THSD7B: variants seen among roughly 807,000 people sequenced by gnomAD.
THSD7B encodes thrombospondin type 1 domain containing 7B.
A neutral mutation model predicts 213.6 loss-of-function variants in THSD7B; 138 were observed. That is an observed-to-expected ratio of 0.65 (90% CI 0.56 to 0.74). THSD7B has a LOEUF of 0.74. THSD7B is among the 30% of genes least tolerant of loss of function. The pLI is 0.00. For missense variants in THSD7B, 1,931 were observed against 1,991.5 expected (o/e 0.97, Z 0.58); for synonymous variants, 742 against 687.0 (o/e 1.08, Z -1.25).
intron 17 of THSD7B, among the ~76,000 whole-genome samples, chr2:137,614,693 T>A (rs932879273): frequency 6.6e-6 from 1 of 152,184 alleles, no homozygotes; most frequent in Non-Finnish European, 1.5e-5. Flanking sequence ...TTCTTGATTA[T>A]CCAGAGACAA....
chr2:137,566,798 T>C (rs150601482), intron 16 of THSD7B, among the ~76,000 whole-genome samples: 8 of 152,182 alleles, frequency 5.3e-5, no homozygotes, highest in African/African-American at 1.9e-4. Context: ...AATGAACACA[T>C]AAATTATATT....
At chr2:137,025,401 G>T (rs1686531874) in intron 2 of THSD7B, among the ~76,000 whole-genome samples, 1 of 152,138 alleles carries the variant, frequency 6.6e-6, no homozygotes, top group South Asian at 2.1e-4. Flanking sequence ...ATAGGACATG[G>T]CTCTGTCCAT....
chr2:136,874,444 A>T (rs1289256792), intron 1 of THSD7B, among the ~76,000 whole-genome samples: 2 of 152,196 alleles, frequency 1.3e-5, no homozygotes, highest in African/African-American at 4.8e-5. Context: ...ATCTTTATTG[A>T]GCCATCTTCT....
chr2:137,293,306 C>A (rs1394904960), intron 12 of THSD7B, among the ~76,000 whole-genome samples: 1 of 151,768 alleles, frequency 6.6e-6, no homozygotes, highest in Non-Finnish European at 1.5e-5. Flanking sequence ...TGCCAATTAA[C>A]TTTTGTATTT....
intron 15 of THSD7B, among the ~76,000 whole-genome samples, chr2:137,480,667 A>G (rs1047875189): frequency 1.3e-5 from 2 of 152,246 alleles, no homozygotes; most frequent in South Asian, 4.1e-4. Flanking sequence ...GAACCGTCCA[A>G]TTAATTATAA....
intron 1 of THSD7B, among the ~76,000 whole-genome samples, chr2:136,828,208 T>C (rs1682690675): frequency 6.6e-6 from 1 of 152,214 alleles, no homozygotes; most frequent in Non-Finnish European, 1.5e-5. Flanking sequence ...TTAACCTCTC[T>C]AGAGCATTTC....
At chr2:137,072,258 T>G (rs1250573345) in intron 3 of THSD7B, among the ~76,000 whole-genome samples, 1 of 152,210 alleles carries the variant, frequency 6.6e-6, no homozygotes, top group East Asian at 1.9e-4. Context: ...GTTCTTCCGT[T>G]TCTTTGTATC....
intron 5 of THSD7B, among the ~76,000 whole-genome samples, chr2:137,122,709 C>T (rs1019477442): frequency 6.6e-6 from 1 of 152,126 alleles, no homozygotes; most frequent in Admixed American, 6.6e-5. Context: ...ACATCTTTCA[C>T]AGTCTCGGGC....
chr2:137,299,846 A>G (rs1018825872), intron 12 of THSD7B, among the ~76,000 whole-genome samples: 13 of 152,100 alleles, frequency 8.5e-5, no homozygotes, highest in African/African-American at 3.1e-4. Flanking sequence ...GATAGATATG[A>G]TTTTTAAATT....
At chr2:137,104,642 CA>C (rs374524945) in intron 4 of THSD7B, among the ~76,000 whole-genome samples, 112 of 151,978 alleles carry the variant, frequency 7.4e-4, no homozygotes, top group African/African-American at 2.6e-3. Flanking sequence ...AAAAGATTAA[CA>C]AAATGATAGA....
At chr2:137,447,124 T>C (rs908737873) in intron 14 of THSD7B, among the ~76,000 whole-genome samples, 1 of 152,136 alleles carries the variant, frequency 6.6e-6, no homozygotes, top group African/African-American at 2.4e-5. Flanking sequence ...TCCTGTTGAA[T>C]TTCAAAATTA....
intron 2 of THSD7B, among the ~76,000 whole-genome samples, chr2:136,959,224 T>A (rs188240403): frequency 1.3e-5 from 2 of 152,356 alleles, no homozygotes; most frequent in Admixed American, 6.5e-5. Context: ...CTTAATAATT[T>A]CCTGCTTCTT....
chr2:137,489,285 C>G (rs866184041), intron 15 of THSD7B, among the ~76,000 whole-genome samples: 1 of 151,720 alleles, frequency 6.6e-6, no homozygotes, highest in Non-Finnish European at 1.5e-5. Context: ...ATTAGCCGGG[C>G]GTGGTGGTGC....
chr2:136,771,069 T>A (rs1290585205), intron 1 of THSD7B, among the ~76,000 whole-genome samples: 1 of 152,188 alleles, frequency 6.6e-6, no homozygotes, highest in Non-Finnish European at 1.5e-5. Context: ...TTAAAATGTA[T>A]GTATGTGGGA....
intron 2 of THSD7B, among the ~76,000 whole-genome samples, chr2:136,967,617 A>C (rs1269760924): frequency 6.6e-6 from 1 of 152,208 alleles, no homozygotes; most frequent in African/African-American, 2.4e-5. Flanking sequence ...CTTTGAAAAA[A>C]TACAAGTAAA....
At chr2:137,185,192 A>G (rs56042012) in intron 7 of THSD7B, among the ~76,000 whole-genome samples, 15 of 152,024 alleles carry the variant, frequency 9.9e-5, no homozygotes, top group African/African-American at 3.6e-4. Context: ...AAAGAAAAAA[A>G]TTTGTGTGGA....
chr2:136,927,841 G>C (rs1684565823), intron 2 of THSD7B, among the ~76,000 whole-genome samples: 1 of 152,192 alleles, frequency 6.6e-6, no homozygotes, highest in South Asian at 2.1e-4. Context: ...CTGCACAACA[G>C]TTGTTTCTGC....
At chr2:137,420,199 G>T (rs974448612) in intron 14 of THSD7B, among the ~76,000 whole-genome samples, 6 of 151,998 alleles carry the variant, frequency 3.9e-5, no homozygotes, top group African/African-American at 1.4e-4. Context: ...AATGCCTGAA[G>T]CCTCATATTT....
At chr2:137,539,406 G>A (rs1362476533) in intron 15 of THSD7B, among the ~76,000 whole-genome samples, 1 of 151,670 alleles carries the variant, frequency 6.6e-6, no homozygotes, top group Non-Finnish European at 1.5e-5. Flanking sequence ...GCCTTATGCT[G>A]TTTGGTTGTT....
Sources: gnomAD v4.1 joint callset for allele counts (sites outside exome capture counted in the v4.1 genomes callset) on GRCh38, gnomAD v4.1.1 for gene constraint, MANE v1.5 for transcripts, NCBI Gene and HGNC (gene_info 2026-07-23, HGNC 2026-07-21) for gene names.